Variants in GDF9 observed in about 807,000 individuals in gnomAD.
GDF9 encodes the protein growth/differentiation factor 9.
A neutral mutation model predicts 33.8 loss-of-function variants in GDF9; 30 were observed. The observed-to-expected ratio is 0.89, with a 90% CI of 0.66 to 1.20. GDF9 has a LOEUF of 1.20. Among genes scored for constraint, GDF9 ranks in the 50% most tolerant of loss-of-function variants. The pLI, the probability that GDF9 is intolerant of heterozygous loss-of-function variation, is 0.00. For synonymous variants in GDF9, 205 were observed against 200.7 expected (o/e 1.02, Z -0.18); for missense variants, 556 against 543.7 (o/e 1.02, Z -0.22).
At chr5:132,862,630 G>C (rs1759348322) in intron 1 of GDF9, 74 bp from the exon 2 acceptor site, 3 of 1,104,398 alleles carry the variant, frequency 2.7e-6, no homozygotes, top group Non-Finnish European at 2.7e-6. Flanking sequence ...CAAAGAATTA[G>C]TACTTCATAA....
Position 132,861,579 on chromosome 5 carries a change from G to A in GDF9, c.*10C>T, listed in dbSNP as rs1759226234. On this transcript the variant is annotated 3_prime_UTR_variant, in exon 2 of 2. Coordinates refer to ENST00000687138, the MANE Select transcript of GDF9 (RefSeq NM_005260.7). ...GCCAAATAGGCTCAAGGTTTTAAGAGGACCATTTGTTAACGACAGGTGCAC... is the reference window on the plus strand; with the variant it reads ...GCCAAATAGGCTCAAGGTTTTAAGAAGACCATTTGTTAACGACAGGTGCAC... 1 of 1,612,788 alleles carries A rather than the reference G, an allele frequency of 6.2e-7. No individual in the cohort carries two copies. The highest frequency in any genetic ancestry group is 8.5e-7 in the Non-Finnish European group (1 of 1,178,816).
chr5:132,862,230 C>T lies in GDF9; in HGVS notation c.724G>A (p.Asp242Asn), dbSNP rs1317851153. 6.2e-7 allele frequency: 1 copy of T among 1,613,780 alleles called. No homozygotes were observed. Among genetic ancestry groups the T allele is most frequent in the Non-Finnish European group, 8.5e-7 (1 of 1,179,768 alleles). The change falls in exon 2 of 2, where the codon GAC (aspartate) becomes AAC (asparagine). Residue 242 changes from aspartate to asparagine, a missense_variant. By Grantham distance (23) the Asp-to-Asn change is conservative (BLOSUM62 1). Transcript: ENST00000687138. ...TGTGCTGAAGGATGCTCCAGCTGGT[C>T]TTTCATGCAAGTAAAATTTATAGAC... Reference protein sequence around the residue: ...HMSINFTCMKDQLEHPSAQNG... With the variant: ...HMSINFTCMKNQLEHPSAQNG...
rs1759532415 is a variant in GDF9, at chr5:132,865,291, A to G, written c.-758T>C. 6.6e-6 allele frequency: 1 copy of G among 152,304 alleles called. No homozygotes were observed. Among genetic ancestry groups the G allele is most frequent in the South Asian group, 2.1e-4 (1 of 4,838 alleles). The allele number at this position is 152,304 out of a possible 1,614,324, so 9.4% of individuals were successfully genotyped here. A position where few individuals can be genotyped will look rare whatever the true frequency, so the allele number is the denominator to read the frequency against. ...ACTTATTTTTAAATGTAACATACTG[A>G]TGTCCTTACTTTGGTCTGCACACTC... On this transcript the variant is annotated 5_prime_UTR_variant, in exon 1 of 2. Coordinates refer to ENST00000687138, the MANE Select transcript of GDF9 (RefSeq NM_005260.7).
At position 132,862,174 on chromosome 5, in the gene GDF9, G is replaced by A. The variant is rs1759299679; in HGVS notation, c.780C>T (p.Ser260=). The part of the protein sequence containing the change: ...QNGLFNMTLV[S]PSLILYLNDT... The stretch of plus-strand genomic sequence containing the variant: ...CATTCAAATATAAGATCAGTGAGGG[G>A]GACACCAGAGTCATGTTAAACAAAC... The change falls in exon 2 of 2, where the codon TCC becomes TCT. Residue 260 remains serine (S), a synonymous_variant. Coordinates refer to ENST00000687138, the MANE Select transcript of GDF9 (RefSeq NM_005260.7). 2 of 1,613,142 alleles carry A rather than the reference G, an allele frequency of 1.2e-6. No individual in the cohort carries two copies. Among genetic ancestry groups the A allele is most frequent in the South Asian group, 1.1e-5 (1 of 91,052 alleles).
chr5:132,862,601 A>G (rs1232560469), intron 1 of GDF9, 45 bp from the exon 2 acceptor site: 1 of 1,442,430 alleles, frequency 6.9e-7, no homozygotes, highest in Non-Finnish European at 9.6e-7. Flanking sequence ...AAATCAGTCA[A>G]CACAACAGGC....
In GDF9 at chr5:132,862,539, C is replaced by T. The variant is rs1759342182; in HGVS notation, c.415G>A (p.Glu139Lys). ...ATGCGATCCAGGTTAAATAGCAGTT[C>T]CACTGATGGAAGGATTCCTAAGAAG... ...DQVTGILPSV[E>K]LLFNLDRITT... The change falls in exon 2 of 2, where the codon GAA (glutamate) becomes AAA (lysine). Residue 139 changes from glutamate to lysine, a missense_variant. By Grantham distance (56) the Glu-to-Lys change is moderately conservative (BLOSUM62 1). Coordinates refer to ENST00000687138, the MANE Select transcript of GDF9 (RefSeq NM_005260.7). The T allele has an allele frequency of 1.9e-6, 3 of 1,607,422 alleles. No homozygotes were observed. The highest frequency in any genetic ancestry group is 1.7e-5 in the Admixed American group (1 of 59,982).
chr5:132,864,118 C>G lies in GDF9; in HGVS notation c.397+19G>C. 1 of 1,613,736 alleles carries G rather than the reference C, an allele frequency of 6.2e-7. No individual in the cohort carries two copies. Among genetic ancestry groups the G allele is most frequent in the Non-Finnish European group, 8.5e-7 (1 of 1,179,680 alleles). On this transcript the variant is annotated intron_variant, in intron 1 of 1. Coordinates refer to ENST00000687138, the MANE Select transcript of GDF9 (RefSeq NM_005260.7). Reference sequence around the variant, plus strand: ...TATCATCTTCCCTCCACCCAGTTAACCAATCTGCTTTCACATACCTGTTAC... The same window carrying G: ...TATCATCTTCCCTCCACCCAGTTAAGCAATCTGCTTTCACATACCTGTTAC...
In GDF9 at chr5:132,861,396, C is replaced by T; in HGVS notation, c.*193G>A. 1.7e-6 allele frequency: 1 copy of T among 578,586 alleles called. No individual in the cohort carries two copies. Among genetic ancestry groups the T allele is most frequent in the Non-Finnish European group, 3.1e-6 (1 of 325,158 alleles). 35.8% of individuals were successfully genotyped at this position (578,586 alleles called of 1,614,324 possible). On this transcript the variant is annotated 3_prime_UTR_variant, in exon 2 of 2. Transcript: ENST00000687138. ...ATTTAAATTTGGAAATAAAAAAAGG[C>T]TCTGTAGCAACAATTGATGTTATCC...
chr5:132,862,410 C>T lies in GDF9; in HGVS notation c.544G>A (p.Glu182Lys). The T allele has an allele frequency of 6.2e-7, 1 of 1,613,978 alleles. No individual in the cohort carries two copies. The highest frequency in any genetic ancestry group is 8.5e-7 in the Non-Finnish European group (1 of 1,179,920). Residue 182 changes from glutamate (E) to lysine (K), a missense_variant, in exon 2 of 2, where the codon GAG becomes AAG. Glu to Lys is a moderately conservative substitution (Grantham distance 56, BLOSUM62 1). Coordinates refer to ENST00000687138, the MANE Select transcript of GDF9 (RefSeq NM_005260.7). ...AGAGTCCTGCTAGAAGACTTTGGCT[C>T]CTTTATCATTAGATTGCACACACAT... ...VKCVCNLMIKEPKSSSRTLGR... is the reference protein window; with the variant it reads ...VKCVCNLMIKKPKSSSRTLGR...
Position 132,865,203 on chromosome 5 carries a change from G to T in GDF9, c.-670C>A, listed in dbSNP as rs775059761. 6.6e-6 allele frequency: 1 copy of T among 151,888 alleles called. No individual in the cohort carries two copies. Among genetic ancestry groups the T allele is most frequent in the African/African-American group, 2.4e-5 (1 of 41,282 alleles). 9.4% of individuals were successfully genotyped at this position (151,888 alleles called of 1,614,324 possible). On this transcript the variant is annotated 5_prime_UTR_variant, in exon 1 of 2. Coordinates refer to ENST00000687138, the MANE Select transcript of GDF9 (RefSeq NM_005260.7). ...TCCCAGGTGGCTGGGTACAGAATAC[G>T]TACTTGGAGTACTGGAATTGTATTT...
Position 132,864,543 on chromosome 5 carries a change from G to C in GDF9, c.-10C>G. On this transcript the variant is annotated 5_prime_UTR_variant, in exon 1 of 2. Transcript: ENST00000687138. The stretch of plus-strand genomic sequence containing the variant: ...TGTTGGGACGTGCCATGGCTTGGGA[G>C]AACTAGTGAGGAACATATTTCTCCA... 2.5e-6 allele frequency: 4 copies of C among 1,602,892 alleles called. No individual in the cohort carries two copies. The highest frequency in any genetic ancestry group is 3.4e-6 in the Non-Finnish European group (4 of 1,179,814).
In GDF9 at chr5:132,864,635, G is replaced by C; in HGVS notation, c.-102C>G. 8.3e-7 allele frequency: 1 copy of C among 1,201,236 alleles called. No homozygotes were observed. Among genetic ancestry groups the C allele is most frequent in the Non-Finnish European group, 1.2e-6 (1 of 823,682 alleles). 74.4% of individuals were successfully genotyped at this position (1,201,236 alleles called of 1,614,324 possible). A position where few individuals can be genotyped will look rare whatever the true frequency, so the allele number is the denominator to read the frequency against. ...TCTCTTAAATAAATTTCAGGTGTGT[G>C]GGTGGACTACGGTCACTTCTGTAAT... is the stretch of plus-strand genomic sequence containing the variant. On this transcript the variant is annotated 5_prime_UTR_variant, in exon 1 of 2. Transcript: ENST00000687138.
upstream of GDF9, chr5:132,866,650 C>G (rs936439234): frequency 1.7e-6 from 1 of 598,988 alleles, no homozygotes; most frequent in African/African-American, 1.9e-5. Context: ...ACGAACGAGT[C>G]AACCGGATCG....
rs1759248084 is a variant in GDF9 at position 132,861,733 on chromosome 5, A to G, written c.1221T>C (p.Tyr407=). The G allele has an allele frequency of 1.2e-6, 2 of 1,612,628 alleles. No homozygotes were observed. Among genetic ancestry groups the G allele is most frequent in the South Asian group, 2.2e-5 (2 of 91,064 alleles). Residue 407 remains tyrosine (Y), a synonymous_variant, in exon 2 of 2, where the codon TAT becomes TAC. Transcript: ENST00000687138. ...TTGGCACTGAGGAGTCCAGCTTCTCATAGATGATGTTCTGTACCATGGTGT... is the reference window on the plus strand; with the variant it reads ...TTGGCACTGAGGAGTCCAGCTTCTCGTAGATGATGTTCTGTACCATGGTGT... ...PVHTMVQNII[Y]EKLDSSVPRP... is the part of the protein sequence containing the mutation.
rs1759297318 is a variant in GDF9 at position 132,862,153 on chromosome 5, C to G, written c.801G>C (p.Leu267Phe). The G allele has an allele frequency of 6.2e-7, 1 of 1,613,176 alleles. No individual in the cohort carries two copies. The highest frequency in any genetic ancestry group is 1.1e-5 in the South Asian group (1 of 91,050). The change falls in exon 2 of 2, where the codon TTG becomes TTC. Residue 267 changes from leucine (L) to phenylalanine (F), a missense_variant. Transcript: ENST00000687138. ...TLVSPSLILY[L>F]NDTSAQAYHS... Reference sequence around the variant, plus strand: ...GATAAGCCTGAGCACTTGTGTCATTCAAATATAAGATCAGTGAGGGGGACA... The same window carrying G: ...GATAAGCCTGAGCACTTGTGTCATTGAAATATAAGATCAGTGAGGGGGACA...
In GDF9 at chr5:132,862,029, C is replaced by T; in HGVS notation, c.925G>A (p.Asp309Asn). ...AYPVGEEAAE[D>N]GRSSHHRHRR... ...TGACGGTGATGGGAAGATCTCCCAT[C>T]CTCAGCAGCCTCTTCTCCCACAGGA... is the stretch of plus-strand genomic sequence containing the variant. Residue 309 changes from aspartate to asparagine, a missense_variant, in exon 2 of 2, where the codon GAT (aspartate) becomes AAT (asparagine). Physicochemically the swap from Asp to Asn is conservative, Grantham distance 23. Coordinates refer to ENST00000687138, the MANE Select transcript of GDF9 (RefSeq NM_005260.7). 1.2e-6 allele frequency: 2 copies of T among 1,613,962 alleles called. No homozygotes were observed. The highest frequency in any genetic ancestry group is 1.7e-6 in the Non-Finnish European group (2 of 1,179,830).
chr5:132,866,495 C>T (rs1009919077), upstream of GDF9: 5 of 273,220 alleles, frequency 1.8e-5, no homozygotes, highest in South Asian at 1.1e-4. Context: ...GCAGGGCCTC[C>T]AAGGCACCTC....
Position 132,866,015 on chromosome 5 carries a change from A to C in GDF9, c.-1482T>G, listed in dbSNP as rs1399143413. Among the ~76,000 whole-genome samples the C allele has an allele frequency of 6.6e-6, 1 of 152,156 alleles. No homozygotes were observed. Among genetic ancestry groups the C allele is most frequent in the Non-Finnish European group, 1.5e-5 (1 of 68,020 alleles). On this transcript the variant is annotated 5_prime_UTR_variant, in exon 1 of 2. Transcript: ENST00000687138. ...ATTATTTGATTATTTTTGTGGCTGA[A>C]ACTGACGAAACGTTTGTATTATCTC... is the stretch of plus-strand genomic sequence containing the variant.
At position 132,862,009 on chromosome 5, in the gene GDF9, G is replaced by A. The variant is rs377720344; in HGVS notation, c.945C>T (p.His315=). 5 of 1,613,702 alleles carry A rather than the reference G, an allele frequency of 3.1e-6. No homozygotes were observed. Among genetic ancestry groups the A allele is most frequent in the African/African-American group, 2.7e-5 (2 of 75,048 alleles). ...EAAEDGRSSH[H]RHRRGQETVS... ...CAGTTTCCTGACCTCTGCGGTGACGGTGATGGGAAGATCTCCCATCCTCAG... is the reference window on the plus strand; with the variant it reads ...CAGTTTCCTGACCTCTGCGGTGACGATGATGGGAAGATCTCCCATCCTCAG... Residue 315 remains histidine, a synonymous_variant, in exon 2 of 2, where the codon CAC becomes CAT. Coordinates refer to ENST00000687138, the MANE Select transcript of GDF9 (RefSeq NM_005260.7).
Sources: gnomAD v4.1 joint callset for allele counts (sites outside exome capture counted in the v4.1 genomes callset) on GRCh38, gnomAD v4.1.1 for gene constraint, MANE v1.5 for transcripts, NCBI Gene and HGNC (gene_info 2026-07-23, HGNC 2026-07-21) for gene names.